Variants in C8orf34 observed in about 807,000 individuals in gnomAD.
The protein encoded by C8orf34 is chromosome 8 open reading frame 34.
A neutral mutation model predicts 68.3 loss-of-function variants in C8orf34; 65 were observed. The ratio of observed to expected loss-of-function variants is 0.95; its 90% CI spans 0.78 to 1.17. The LOEUF (loss-of-function observed/expected upper bound fraction) is 1.17. Among genes scored for constraint, C8orf34 ranks in the 50% most tolerant of loss-of-function variants. The probability of loss-of-function intolerance (pLI) is 0.00; values close to 1 mark genes in which losing one functional copy is unlikely to be tolerated. For synonymous variants in C8orf34, 244 were observed against 241.2 expected (o/e 1.01, Z -0.11); for missense variants, 664 against 655.4 (o/e 1.01, Z -0.14).
At chr8:68,783,093 A>G (rs1006409360) in intron 11 of C8orf34, among the ~76,000 whole-genome samples, 2 of 151,880 alleles carry the variant, frequency 1.3e-5, no homozygotes, top group African/African-American at 4.8e-5. Flanking sequence ...AAAAAGAAAA[A>G]GAAAATCATT....
intron 1 of C8orf34, chr8:68,331,610 C>T: frequency 2.0e-6 from 1 of 494,594 alleles, no homozygotes; most frequent in East Asian, 3.8e-5. Context: ...TTTTGGCCCT[C>T]TGACTGTCCT....
At chr8:68,698,483 C>G (rs1191017572) in intron 8 of C8orf34, among the ~76,000 whole-genome samples, 1 of 151,936 alleles carries the variant, frequency 6.6e-6, no homozygotes, top group African/African-American at 2.4e-5. Context: ...TGGCTATATA[C>G]AAAAGAAGTC....
intron 1 of C8orf34, among the ~76,000 whole-genome samples, chr8:68,382,338 C>CT (rs113238618): frequency 0.095 from 14,458 of 152,110 alleles, 736 homozygotes; most frequent in Middle Eastern, 0.12. Context: ...TTATAGGTTG[C>CT]TTTTTTCTCT....
intron 7 of C8orf34, among the ~76,000 whole-genome samples, chr8:68,569,297 A>G (rs1816693640): frequency 6.6e-6 from 1 of 152,272 alleles, no homozygotes; most frequent in Non-Finnish European, 1.5e-5. Flanking sequence ...AGCTAATTAA[A>G]TAGTTTGAGT....
intron 5 of C8orf34, among the ~76,000 whole-genome samples, chr8:68,498,016 T>C (rs1813606383): frequency 6.6e-6 from 1 of 152,004 alleles, no homozygotes; most frequent in Non-Finnish European, 1.5e-5. Context: ...TTAGTAGAGA[T>C]GGGGTTTCTC....
intron 10 of C8orf34, among the ~76,000 whole-genome samples, chr8:68,757,793 T>A (rs2129527871): frequency 6.6e-6 from 1 of 152,236 alleles, no homozygotes; most frequent in South Asian, 2.1e-4. Flanking sequence ...GACTGTGGAG[T>A]TCCAGAGACC....
At chr8:68,469,147 A>T (rs1033011815) in intron 4 of C8orf34, among the ~76,000 whole-genome samples, 4 of 152,022 alleles carry the variant, frequency 2.6e-5, no homozygotes, top group African/African-American at 9.7e-5. Context: ...ACTGTTTTGC[A>T]TCTTTCTAAT....
chr8:68,762,652 C>T (rs1823053765), intron 10 of C8orf34, among the ~76,000 whole-genome samples: 1 of 152,132 alleles, frequency 6.6e-6, no homozygotes, highest in Admixed American at 6.5e-5. Context: ...TCAGTAAGAC[C>T]TCAAAAGATG....
intron 1 of C8orf34, among the ~76,000 whole-genome samples, chr8:68,434,709 A>G (rs1810584401): frequency 1.3e-5 from 2 of 152,196 alleles, no homozygotes; most frequent in South Asian, 4.1e-4. Flanking sequence ...ACTATGTAGT[A>G]TACTCATGAA....
chr8:68,439,125 A>G (rs1810789011), intron 1 of C8orf34: 1 of 155,472 alleles, frequency 6.4e-6, no homozygotes, highest in Non-Finnish European at 1.4e-5. Context: ...AAGTTTAGCA[A>G]AAGTTTAGTT....
At chr8:68,588,404 A>T (rs1378079184) in intron 7 of C8orf34, among the ~76,000 whole-genome samples, 5 of 150,800 alleles carry the variant, frequency 3.3e-5, no homozygotes, top group African/African-American at 1.0e-4. Flanking sequence ...ATATGCATTA[A>T]AATATTAACA....
Position 68,572,404 on chromosome 8 carries a change from T to G in C8orf34, c.1105+39255T>G, listed in dbSNP as rs894880442. Among the ~76,000 whole-genome samples, 41 of 152,146 alleles carry G rather than the reference T, an allele frequency of 2.7e-4. 1 individual carries two copies. Among genetic ancestry groups the G allele is most frequent in the African/African-American group, 9.6e-4 (40 of 41,546 alleles). ...ACCTATGCATATTACACACTCCATA[T>G]GACATTCACACTCCATGAATACATA... On this transcript the variant is annotated intron_variant, in intron 7 of 13. Transcript: ENST00000518698.
intron 10 of C8orf34, among the ~76,000 whole-genome samples, chr8:68,762,417 A>G (rs1379481113): frequency 6.6e-6 from 1 of 152,246 alleles, no homozygotes; most frequent in Non-Finnish European, 1.5e-5. Flanking sequence ...TTTATTGTCA[A>G]AAAGTACCCA....
At chr8:68,462,171 A>C (rs1471719960) in intron 3 of C8orf34, among the ~76,000 whole-genome samples, 5 of 152,122 alleles carry the variant, frequency 3.3e-5, no homozygotes. Context: ...CTTTAAACCA[A>C]CAAAGATCAA....
At chr8:68,487,418 G>A (rs1364682967) in intron 4 of C8orf34, among the ~76,000 whole-genome samples, 1 of 152,146 alleles carries the variant, frequency 6.6e-6, no homozygotes, top group African/African-American at 2.4e-5. Context: ...TTTGGAGAAA[G>A]GATAAAGATA....
chr8:68,743,011 C>T (rs775049365), intron 10 of C8orf34, among the ~76,000 whole-genome samples: 1 of 152,170 alleles, frequency 6.6e-6, no homozygotes, highest in Non-Finnish European at 1.5e-5. Flanking sequence ...TTGACGTTAA[C>T]CAATACTTCT....
chr8:68,407,725 T>C (rs1289579430), intron 1 of C8orf34, among the ~76,000 whole-genome samples: 1 of 152,162 alleles, frequency 6.6e-6, no homozygotes, highest in African/African-American at 2.4e-5. Flanking sequence ...CTCACTAACA[T>C]TTCTCTTAAT....
chr8:68,730,834 C>A (rs1042921954), intron 10 of C8orf34, among the ~76,000 whole-genome samples: 1 of 151,892 alleles, frequency 6.6e-6, no homozygotes, highest in Non-Finnish European at 1.5e-5. Context: ...AAATAATACC[C>A]AAGGAGATGT....
At chr8:68,747,219 T>C (rs1445161075) in intron 10 of C8orf34, among the ~76,000 whole-genome samples, 1 of 151,838 alleles carries the variant, frequency 6.6e-6, no homozygotes, top group African/African-American at 2.4e-5. Context: ...AAATTAGGTA[T>C]TGATGGGACG....
Sources: allele counts gnomAD v4.1 joint callset (sites outside exome capture counted in the v4.1 genomes callset), GRCh38; gene constraint gnomAD v4.1.1; transcripts MANE v1.5; gene names NCBI Gene and HGNC (gene_info 2026-07-23, HGNC 2026-07-21).